TMBIM4: variants seen among roughly 807,000 people sequenced by gnomAD.
TMBIM4 encodes transmembrane BAX inhibitor motif containing 4.
TMBIM4 carries 28 observed loss-of-function variants against 27.7 expected under a neutral mutation model. The ratio of observed to expected loss-of-function variants is 1.01; its 90% CI spans 0.75 to 1.38. The LOEUF (loss-of-function observed/expected upper bound fraction) is 1.38. Ranked by LOEUF, TMBIM4 falls within the 40% of genes most tolerant of loss-of-function variation. The pLI is 0.00. For synonymous variants in TMBIM4, 115 were observed against 113.1 expected (o/e 1.02, Z -0.11); for missense variants, 265 against 277.5 (o/e 0.95, Z 0.32).
intron 1 of TMBIM4, chr12:66,169,322 A>G (rs1454658326): frequency 1.4e-6 from 1 of 692,688 alleles, no homozygotes; most frequent in Non-Finnish European, 2.6e-6. Context: ...AACTTCCTCA[A>G]TAATCCTCAA....
At chr12:66,144,601 T>C (rs1339266009) in intron 5 of TMBIM4, 1 of 152,114 alleles carries the variant, frequency 6.6e-6, no homozygotes, top group Non-Finnish European at 1.5e-5. Context: ...ATGAATTTAG[T>C]TTCAAGTGGA....
chr12:66,156,129 G>C (rs1460943069), intron 1 of TMBIM4, among the ~76,000 whole-genome samples: 2 of 152,096 alleles, frequency 1.3e-5, no homozygotes, highest in African/African-American at 4.8e-5. Context: ...AGTAGCAAAG[G>C]ACATGCATAT....
intron 1 of TMBIM4, among the ~76,000 whole-genome samples, chr12:66,164,946 G>A (rs2052100987): frequency 6.6e-6 from 1 of 151,832 alleles, no homozygotes; most frequent in African/African-American, 2.4e-5. Flanking sequence ...TGAGAAGGTT[G>A]GAAAGAAAGT....
At chr12:66,169,787 A>C (rs2052204122) in intron 1 of TMBIM4, 68 bp downstream of exon 1, 2 of 1,245,714 alleles carry the variant, frequency 1.6e-6, no homozygotes, top group Admixed American at 3.5e-5. Context: ...CGGAAGCCGG[A>C]AGTCGGCTTC....
chr12:66,158,877 A>G (rs967952729), intron 1 of TMBIM4, among the ~76,000 whole-genome samples: 2 of 152,182 alleles, frequency 1.3e-5, no homozygotes, highest in South Asian at 2.1e-4. Context: ...AGTACAGATC[A>G]TTTGTCTTTT....
intron 3 of TMBIM4, among the ~76,000 whole-genome samples, chr12:66,151,873 A>G (rs1184915472): frequency 6.6e-6 from 1 of 152,220 alleles, no homozygotes; most frequent in Non-Finnish European, 1.5e-5. Flanking sequence ...TTTGAATTTT[A>G]TGAAATTAAA....
chr12:66,149,737 G>A (rs1221930693), intron 3 of TMBIM4, among the ~76,000 whole-genome samples: 1 of 152,138 alleles, frequency 6.6e-6, no homozygotes, highest in African/African-American at 2.4e-5. Context: ...AGCTCAGAGT[G>A]TCTTTGGTTA....
At chr12:66,142,871 AAC>A (rs2051691390) in intron 5 of TMBIM4, among the ~76,000 whole-genome samples, 2 of 152,146 alleles carry the variant, frequency 1.3e-5, no homozygotes, top group Non-Finnish European at 2.9e-5. Context: ...CTTATTCACT[AAC>A]TGGACAAGAT....
chr12:66,148,430 G>C lies in TMBIM4; in HGVS notation c.313-489C>G, dbSNP rs188163057. Reference sequence around the variant, plus strand: ...GACACATGGCTGTTCAGATTAAACTGCATTTTTTCAGTCTCCTTTGCAACT... The same window carrying C: ...GACACATGGCTGTTCAGATTAAACTCCATTTTTTCAGTCTCCTTTGCAACT... On this transcript the variant is annotated intron_variant, in intron 3 of 6. Transcript: ENST00000358230. 8.6e-4 allele frequency among the ~76,000 whole-genome samples: 131 copies of C among 152,210 alleles called. 1 individual carries two copies. Among genetic ancestry groups the C allele is most frequent in the South Asian group, 4.8e-3 (23 of 4,830 alleles).
At chr12:66,152,682 G>C (rs188502455) in intron 2 of TMBIM4, among the ~76,000 whole-genome samples, 6 of 152,070 alleles carry the variant, frequency 3.9e-5, no homozygotes, top group Non-Finnish European at 8.8e-5. Flanking sequence ...ATACAATAAA[G>C]AAATTTAAAA....
At chr12:66,142,084 A>G (rs1166301447) in intron 5 of TMBIM4, among the ~76,000 whole-genome samples, 1 of 152,108 alleles carries the variant, frequency 6.6e-6, no homozygotes, top group African/African-American at 2.4e-5. Context: ...TAAATAAATA[A>G]ATGCAAAAGG....
chr12:66,154,375 G>A (rs569891784), intron 1 of TMBIM4, among the ~76,000 whole-genome samples: 1 of 152,282 alleles, frequency 6.6e-6, no homozygotes, highest in East Asian at 1.9e-4. Flanking sequence ...TAATAATTGG[G>A]AAGAAGCCTA....
At chr12:66,159,812 C>A (rs921928597) in intron 1 of TMBIM4, among the ~76,000 whole-genome samples, 6 of 152,234 alleles carry the variant, frequency 3.9e-5, no homozygotes, top group Non-Finnish European at 8.8e-5. Context: ...GTCTTTCCTA[C>A]TGCCCCATCC....
At chr12:66,163,751 A>G (rs1192755851) in intron 1 of TMBIM4, among the ~76,000 whole-genome samples, 1 of 152,226 alleles carries the variant, frequency 6.6e-6, no homozygotes, top group African/African-American at 2.4e-5. Context: ...TTTAAGAGAC[A>G]TATACTTTAG....
chr12:66,162,224 T>G (rs1396363900), intron 1 of TMBIM4, among the ~76,000 whole-genome samples: 1 of 152,214 alleles, frequency 6.6e-6, no homozygotes, highest in Non-Finnish European at 1.5e-5. Flanking sequence ...GTTTTGCTTT[T>G]CAAGGTTTCA....
intron 1 of TMBIM4, among the ~76,000 whole-genome samples, chr12:66,158,203 GC>G (rs2051971902): frequency 7.1e-6 from 1 of 139,920 alleles, no homozygotes; most frequent in Non-Finnish European, 1.5e-5. Context: ...TCCAGCCTGG[GC>G]GACAGAGTGA....
At chr12:66,148,091 C>G (rs2051781745) in intron 3 of TMBIM4, 150 bp from the exon 4 acceptor site, 3 of 578,136 alleles carry the variant, frequency 5.2e-6, no homozygotes, top group Non-Finnish European at 9.1e-6. Flanking sequence ...AGTTAGTAAA[C>G]CCACCATAAT....
In TMBIM4 at chr12:66,137,687, C is replaced by T; in HGVS notation, c.*273G>A. 1 of 343,556 alleles carries T rather than the reference C, an allele frequency of 2.9e-6. No individual in the cohort carries two copies. The highest frequency in any genetic ancestry group is 5.5e-6 in the Non-Finnish European group (1 of 182,986). The allele number at this position is 343,556 out of a possible 1,614,324, so 21.3% of individuals were successfully genotyped here. On this transcript the variant is annotated 3_prime_UTR_variant, in exon 7 of 7. Transcript: ENST00000358230. ...GGGATTACAGGCGTGAGCCACTGTG[C>T]CCAGCCAGAAAAGCATTTTTAATAG...
intron 1 of TMBIM4, among the ~76,000 whole-genome samples, chr12:66,167,033 T>G (rs76627773): frequency 0.017 from 2,622 of 152,216 alleles, 31 homozygotes; most frequent in Middle Eastern, 0.031. Flanking sequence ...AAAGGCCAAT[T>G]TGAAAGGTTA....
Sources: gnomAD v4.1 joint callset for allele counts (sites outside exome capture counted in the v4.1 genomes callset) on GRCh38, gnomAD v4.1.1 for gene constraint, MANE v1.5 for transcripts, NCBI Gene and HGNC (gene_info 2026-07-23, HGNC 2026-07-21) for gene names.